The following RAP1GDS1 variants were observed in gnomAD, a reference collection of about 807,000 sequenced individuals.
RAP1GDS1 encodes RAP1, GTP-GDP dissociation stimulator 1.
Under a neutral mutation model 71.1 loss-of-function variants are expected in RAP1GDS1, and 35 were observed. The observed-to-expected ratio is 0.49, with a 90% confidence interval of 0.38 to 0.65. The LOEUF is 0.65. RAP1GDS1 is among the 30% of genes least tolerant of loss of function. The probability of loss-of-function intolerance (pLI) is 0.00; values close to 1 mark genes in which losing one functional copy is unlikely to be tolerated. For missense variants in RAP1GDS1, 663 were observed against 706.1 expected (o/e 0.94, Z 0.69); for synonymous variants, 229 against 243.1 (o/e 0.94, Z 0.54).
At chr4:98,389,301 G>GC (rs1553994205) in intron 5 of RAP1GDS1, among the ~76,000 whole-genome samples, 1 of 140,452 alleles carries the variant, frequency 7.1e-6, no homozygotes, top group Non-Finnish European at 1.5e-5. Context: ...GTAAAAGTGT[G>GC]TTTTTTTTTT....
intron 12 of RAP1GDS1, among the ~76,000 whole-genome samples, chr4:98,426,885 C>G (rs1280889059): frequency 6.6e-6 from 1 of 152,054 alleles, no homozygotes; most frequent in African/African-American, 2.4e-5. Flanking sequence ...CAATATCACC[C>G]TAATACCAAA....
At chr4:98,277,562 TTC>T (rs1488076637) in intron 1 of RAP1GDS1, among the ~76,000 whole-genome samples, 1 of 152,218 alleles carries the variant, frequency 6.6e-6, no homozygotes, top group African/African-American at 2.4e-5. Context: ...GCCTGTTTTC[TTC>T]TGTCTTCTTA....
At chr4:98,282,003 C>T (rs933844506) in intron 1 of RAP1GDS1, among the ~76,000 whole-genome samples, 8 of 152,074 alleles carry the variant, frequency 5.3e-5, no homozygotes, top group Admixed American at 1.3e-4. Context: ...CTGCTGGATT[C>T]GGTTTGCCAG....
At chr4:98,294,852 A>G (rs1442624239) in intron 2 of RAP1GDS1, among the ~76,000 whole-genome samples, 1 of 152,150 alleles carries the variant, frequency 6.6e-6, no homozygotes, top group Admixed American at 6.6e-5. Context: ...AGGCAGCTTT[A>G]CACAGTAACA....
chr4:98,391,065 A>C (rs534924759), intron 5 of RAP1GDS1, among the ~76,000 whole-genome samples: 2 of 152,260 alleles, frequency 1.3e-5, no homozygotes, highest in African/African-American at 4.8e-5. Flanking sequence ...TTTTGCATAA[A>C]CATATGATTT....
At chr4:98,371,768 T>C (rs1740422348) in intron 4 of RAP1GDS1, among the ~76,000 whole-genome samples, 1 of 152,166 alleles carries the variant, frequency 6.6e-6, no homozygotes, top group Non-Finnish European at 1.5e-5. Context: ...AATACCGCTT[T>C]TTCTGATGTC....
chr4:98,269,929 A>T (rs189738854), intron 1 of RAP1GDS1, among the ~76,000 whole-genome samples: 8 of 152,298 alleles, frequency 5.3e-5, no homozygotes, highest in Admixed American at 5.2e-4. Context: ...TTATTGTCTC[A>T]GTCCATTTTG....
At chr4:98,391,066 CAT>C (rs1040116746) in intron 5 of RAP1GDS1, among the ~76,000 whole-genome samples, 6 of 152,090 alleles carry the variant, frequency 3.9e-5, no homozygotes, top group African/African-American at 7.2e-5. Context: ...TTTGCATAAA[CAT>C]ATGATTTTTT....
At chr4:98,415,681 C>A (rs1747848065) in intron 7 of RAP1GDS1, among the ~76,000 whole-genome samples, 1 of 151,986 alleles carries the variant, frequency 6.6e-6, no homozygotes, top group Admixed American at 6.5e-5. Context: ...GTGGAGTTTC[C>A]TATGAAGATC....
In RAP1GDS1 at chr4:98,352,546, C is replaced by T; in HGVS notation, c.306C>T (p.Asp102=). ...SPLVQLLNSK[D]QEVLLQTGRA... ...TGGTGCAGCTGCTAAATAGCAAAGA[C>T]CAGGAAGTGCTGCTTCAAACGGGCA... is the stretch of plus-strand genomic sequence containing the variant. Residue 102 remains aspartate (D), a synonymous_variant, in exon 4 of 15, where the codon GAC becomes GAT. Transcript: ENST00000408927. The T allele has an allele frequency of 2.5e-6, 4 of 1,613,996 alleles. 1 individual carries two copies. In the South Asian group the frequency reaches 3.3e-5, roughly 13 times the overall value.
At chr4:98,261,833 C>G (rs1318504317) in intron 1 of RAP1GDS1, among the ~76,000 whole-genome samples, 3 of 152,104 alleles carry the variant, frequency 2.0e-5, no homozygotes, top group Non-Finnish European at 4.4e-5. Context: ...GCCTCGCCTC[C>G]CCTCCTCCAT....
At chr4:98,332,585 C>T (rs1180354217) in intron 2 of RAP1GDS1, among the ~76,000 whole-genome samples, 1 of 152,090 alleles carries the variant, frequency 6.6e-6, no homozygotes, top group Non-Finnish European at 1.5e-5. Flanking sequence ...CAGTGAGACA[C>T]AGCAGAATTT....
chr4:98,441,259 A>C, intron 14 of RAP1GDS1: 4 of 836,688 alleles, frequency 4.8e-6, no homozygotes, highest in Non-Finnish European at 5.8e-6. Flanking sequence ...ATTAGACTTC[A>C]CTCATCCCAT....
intron 7 of RAP1GDS1, among the ~76,000 whole-genome samples, chr4:98,408,465 C>T (rs1320266575): frequency 6.6e-6 from 1 of 151,956 alleles, no homozygotes; most frequent in Non-Finnish European, 1.5e-5. Context: ...ATGACTGATA[C>T]AAGAATAGAA....
intron 2 of RAP1GDS1, among the ~76,000 whole-genome samples, chr4:98,334,853 G>A (rs989652102): frequency 3.4e-5 from 5 of 146,216 alleles, no homozygotes; most frequent in African/African-American, 1.3e-4. Context: ...AATCTTGGCT[G>A]GAATTCCATA....
At chr4:98,441,199 C>T (rs1751815208) in intron 14 of RAP1GDS1, 1 of 364,080 alleles carries the variant, frequency 2.7e-6, no homozygotes, top group South Asian at 1.1e-4. Context: ...TTATGTCAGT[C>T]ATATCAAAAT....
chr4:98,280,446 T>A (rs1187950032), intron 1 of RAP1GDS1, among the ~76,000 whole-genome samples: 1 of 152,214 alleles, frequency 6.6e-6, no homozygotes, highest in Non-Finnish European at 1.5e-5. Flanking sequence ...GCCCACTTTT[T>A]GATGGGGTTG....
In RAP1GDS1 at chr4:98,421,375, T is replaced by C. The variant is rs1241749185; in HGVS notation, c.1421T>C (p.Ile474Thr). The C allele has an allele frequency of 1.3e-6, 2 of 1,598,194 alleles. No homozygotes were observed. The highest frequency in any genetic ancestry group is 1.1e-5 in the South Asian group (1 of 87,488). ...TCAAACAGACTGCTGTCTGCCCTTATACGACACAGTAAATCAAAAGTAAGT... is the reference window on the plus strand; with the variant it reads ...TCAAACAGACTGCTGTCTGCCCTTACACGACACAGTAAATCAAAAGTAAGT... ...GESNRLLSAL[I>T]RHSKSKDVIK... Residue 474 changes from isoleucine (I) to threonine (T), a missense_variant, in exon 12 of 15, where the codon ATA (isoleucine) becomes ACA (threonine). Transcript: ENST00000408927.
At chr4:98,335,658 T>C (rs1449937443) in intron 2 of RAP1GDS1, among the ~76,000 whole-genome samples, 1 of 152,128 alleles carries the variant, frequency 6.6e-6, no homozygotes, top group Non-Finnish European at 1.5e-5. Flanking sequence ...TAAAATGATA[T>C]TATTAATGAC....
Sources: gnomAD v4.1 joint callset for allele counts (sites outside exome capture counted in the v4.1 genomes callset) on GRCh38, gnomAD v4.1.1 for gene constraint, MANE v1.5 for transcripts, NCBI Gene and HGNC (gene_info 2026-07-23, HGNC 2026-07-21) for gene names.